Variants in ITPKB observed in about 807,000 individuals in gnomAD.
The protein encoded by ITPKB is inositol-trisphosphate 3-kinase B, also known as IP3 3-kinase B.
A neutral mutation model predicts 69.4 loss-of-function variants in ITPKB; 13 were observed. The observed-to-expected ratio is 0.19, with a 90% CI of 0.12 to 0.30. The LOEUF is 0.30. Ranked by LOEUF, ITPKB falls within the 10% of genes least tolerant of loss-of-function variation. ITPKB has a pLI of 1.00. For synonymous variants in ITPKB, 584 were observed against 513.7 expected (o/e 1.14, Z -1.85); for missense variants, 1,240 against 1,250.5 (o/e 0.99, Z 0.13).
intron 2 of ITPKB, among the ~76,000 whole-genome samples, chr1:226,733,856 A>G (rs1303231398): frequency 1.3e-5 from 2 of 152,264 alleles, no homozygotes; most frequent in Admixed American, 6.5e-5. Context: ...TCTTCTAGAC[A>G]AGAGCCGTTT....
At chr1:226,718,540 G>T (rs1314113633) in intron 2 of ITPKB, among the ~76,000 whole-genome samples, 1 of 152,092 alleles carries the variant, frequency 6.6e-6, no homozygotes, top group Non-Finnish European at 1.5e-5. Flanking sequence ...AGTCAGGGCT[G>T]CAGTGAGCCA....
Position 226,634,677 on chromosome 1 carries a change from G to A in ITPKB, c.2835C>T (p.Leu945=), listed in dbSNP as rs186433398. The A allele has an allele frequency of 4.6e-5, 38 of 819,090 alleles. No individual in the cohort carries two copies. Among genetic ancestry groups the A allele is most frequent in the East Asian group, 1.7e-4 (7 of 41,358 alleles). The allele number at this position is 819,090 out of a possible 1,614,324, so 50.7% of individuals were successfully genotyped here. A position where few individuals can be genotyped will look rare whatever the true frequency, so the allele number is the denominator to read the frequency against. Reference sequence around the variant, plus strand: ...CAGGGAGGGCGTGGGCAGCTCAGGCGAGTGGGGCATCCTGGGACATCTCGG... The same window carrying A: ...CAGGGAGGGCGTGGGCAGCTCAGGCAAGTGGGGCATCCTGGGACATCTCGG... The part of the protein sequence containing the change: ...ILTEMSQDAP[L]A The change falls in exon 8 of 8, where the codon CTC becomes CTT. Residue 945 remains leucine, a synonymous_variant. Transcript: ENST00000429204. The surrounding 1 kb of genome is among the most constrained non-coding windows in gnomAD (Gnocchi z 6.3).
intron 2 of ITPKB, among the ~76,000 whole-genome samples, chr1:226,654,892 G>A (rs752108455): frequency 3.9e-5 from 6 of 152,138 alleles, no homozygotes; most frequent in African/African-American, 1.2e-4. Flanking sequence ...CTGGGGACAG[G>A]GGAAGAGGAG....
chr1:226,716,652 CTAGGTTT>C (rs1657104117), intron 2 of ITPKB, among the ~76,000 whole-genome samples: 1 of 152,176 alleles, frequency 6.6e-6, no homozygotes, highest in Non-Finnish European at 1.5e-5. Context: ...AGCATCAAAC[CTAGGTTT>C]TCAAAACGTA....
At chr1:226,734,145 G>A (rs904533607) in intron 2 of ITPKB, among the ~76,000 whole-genome samples, 7 of 152,212 alleles carry the variant, frequency 4.6e-5, no homozygotes, top group African/African-American at 1.2e-4. Context: ...CAGGTGGACC[G>A]CTTCCCCCTC....
intron 2 of ITPKB, among the ~76,000 whole-genome samples, chr1:226,715,526 A>G (rs1657074107): frequency 1.3e-5 from 2 of 152,272 alleles, no homozygotes; most frequent in South Asian, 2.1e-4. Flanking sequence ...ATTAAATTTT[A>G]TAACAATGAT....
chr1:226,653,286 G>A (rs987959777), intron 2 of ITPKB, among the ~76,000 whole-genome samples: 1 of 152,182 alleles, frequency 6.6e-6, no homozygotes, highest in Admixed American at 6.5e-5. Context: ...GCCTATCAAC[G>A]AGTGAGGGCC....
chr1:226,719,767 A>AGT (rs1045017545), intron 2 of ITPKB, among the ~76,000 whole-genome samples: 3 of 152,166 alleles, frequency 2.0e-5, no homozygotes, highest in African/African-American at 7.2e-5. Context: ...CGCAGCACAG[A>AGT]GGCCCACGAT....
intron 4 of ITPKB, among the ~76,000 whole-genome samples, chr1:226,645,244 C>T (rs560563587): frequency 6.6e-6 from 1 of 152,300 alleles, no homozygotes; most frequent in South Asian, 2.1e-4. Context: ...GTGCACCCTG[C>T]TTCTGGGGAG....
chr1:226,637,881 T>G lies in ITPKB; in HGVS notation c.2554-131A>C. 1.5e-6 allele frequency: 1 copy of G among 688,280 alleles called. No homozygotes were observed. The highest frequency in any genetic ancestry group is 2.7e-5 in the East Asian group (1 of 36,712). The allele number at this position is 688,280 out of a possible 1,614,324, so 42.6% of individuals were successfully genotyped here. A position where few individuals can be genotyped will look rare whatever the true frequency, so the allele number is the denominator to read the frequency against. ...TAAACGCCGGACATCTAGAGGCAGC[T>G]TCCTGCGAGCAGGGCTGCTGTGGCG... is the stretch of plus-strand genomic sequence containing the variant. On this transcript the variant is annotated intron_variant, in intron 6 of 7. Transcript: ENST00000429204. This position sits in a 1 kb window ranked among gnomAD's most constrained non-coding sequence, Gnocchi z 4.3.
intron 2 of ITPKB, among the ~76,000 whole-genome samples, chr1:226,672,085 G>T (rs1218108582): frequency 6.6e-6 from 1 of 152,198 alleles, no homozygotes; most frequent in Admixed American, 6.5e-5. Flanking sequence ...TTTTGAAGCT[G>T]CTGTAATTGT....
chr1:226,664,047 A>G (rs1669451093), intron 2 of ITPKB, among the ~76,000 whole-genome samples: 2 of 152,216 alleles, frequency 1.3e-5, no homozygotes, highest in South Asian at 2.1e-4. Flanking sequence ...TTTTCTATCT[A>G]AGAGATCTTA....
chr1:226,704,050 G>A (rs1219050357), intron 2 of ITPKB, among the ~76,000 whole-genome samples: 1 of 152,132 alleles, frequency 6.6e-6, no homozygotes, highest in African/African-American at 2.4e-5. Context: ...AAACCCATCC[G>A]CCCAAGGCTT....
At position 226,736,784 on chromosome 1, in the gene ITPKB, T is replaced by C; in HGVS notation, c.675A>G (p.Leu225=). The C allele has an allele frequency of 1.9e-6, 3 of 1,613,064 alleles. No individual in the cohort carries two copies. The highest frequency in any genetic ancestry group is 2.2e-5 in the East Asian group (1 of 44,856). The part of the protein sequence containing the change: ...TDSGRKGGPS[L]CSSQVKKGMP... The stretch of plus-strand genomic sequence containing the variant: ...TTCCTTTCTTCACCTGCGAGGAGCA[T>C]AGGCTGGGCCCTCCTTTCCTCCCGG... The change falls in exon 2 of 8, where the codon CTA becomes CTG. Residue 225 remains leucine, a synonymous_variant. Transcript: ENST00000429204.
At position 226,648,769 on chromosome 1, in the gene ITPKB, G is replaced by T. The variant is rs1418063339; in HGVS notation, c.1935C>A (p.Ser645Arg). 1.1e-5 allele frequency: 18 copies of T among 1,595,744 alleles called. No individual in the cohort carries two copies. The highest frequency in any genetic ancestry group is 1.2e-5 in the Non-Finnish European group (14 of 1,163,382). Residue 645 changes from serine (S) to arginine (R), a missense_variant and splice_region_variant, in exon 3 of 8, where the codon AGC (serine) becomes AGA (arginine). This residue lies in a region of ITPKB where 248 missense variants were observed against 396.7 expected (regional missense o/e 0.63). Coordinates refer to ENST00000429204, the MANE Select transcript of ITPKB (RefSeq NM_002221.4). Reference sequence around the variant, plus strand: ...TGTTTTTTATCTTCCTCCATGATTTGCTCTAGAAACAAACAAACAAAAAGC... The same window carrying T: ...TGTTTTTTATCTTCCTCCATGATTTTCTCTAGAAACAAACAAACAAAAAGC... ...HTLDQQKPRV[S>R]KSWRKIKNMV... is the part of the protein sequence containing the mutation.
chr1:226,646,185 G>T (rs184892079), intron 4 of ITPKB, among the ~76,000 whole-genome samples: 47 of 152,346 alleles, frequency 3.1e-4, no homozygotes, highest in South Asian at 6.2e-4. Flanking sequence ...GGAAGCATGG[G>T]GGGGCTTGGC....
At position 226,736,566 on chromosome 1, in the gene ITPKB, G is replaced by A; in HGVS notation, c.893C>T (p.Ala298Val). The stretch of plus-strand genomic sequence containing the variant: ...CACTTCCGTGGCCATCGTTAAGCTA[G>A]CTCCGAACAGCCCCAATGAGGGAGC... ...CLAPSLGLFG[A>V]SLTMATEVAA... The change falls in exon 2 of 8, where the codon GCT (alanine) becomes GTT (valine). Residue 298 changes from alanine (A) to valine (V), a missense_variant. Physicochemically the swap from Ala to Val is moderately conservative, Grantham distance 64 (BLOSUM62 0). Around this residue, in one of 2 missense-constraint regions of ITPKB, gnomAD observed 992 missense variants for 853.8 expected, o/e 1.16. Coordinates refer to ENST00000429204, the MANE Select transcript of ITPKB (RefSeq NM_002221.4). The A allele has an allele frequency of 1.2e-6, 2 of 1,613,984 alleles. No homozygotes were observed. The highest frequency in any genetic ancestry group is 1.7e-6 in the Non-Finnish European group (2 of 1,180,030).
intron 2 of ITPKB, among the ~76,000 whole-genome samples, chr1:226,703,972 C>A (rs1226439569): frequency 6.6e-6 from 1 of 152,016 alleles, no homozygotes; most frequent in Non-Finnish European, 1.5e-5. Flanking sequence ...AAAAAAAAAT[C>A]TTCATTTCTT....
chr1:226,636,752 C>CTGTGTGTGTGTGTG lies in ITPKB; in HGVS notation c.2625+913_2625+926dup, dbSNP rs3831353. Reference sequence around the variant, plus strand: ...ATTAGCCAGCCCCAGGACTGCAGCTCTGTGTGTGTGTGTGTGTGTGTGTGT... The same window carrying CTGTGTGTGTGTGTG: ...ATTAGCCAGCCCCAGGACTGCAGCTCTGTGTGTGTGTGTGTGTGTGTGTGTGTGTGTGTGTGTGT... On this transcript the variant is annotated intron_variant, in intron 7 of 7. Transcript: ENST00000429204. 1.5e-3 allele frequency among the ~76,000 whole-genome samples: 214 copies of CTGTGTGTGTGTGTG among 140,060 alleles called. 1 individual carries two copies. The highest frequency in any genetic ancestry group is 2.5e-3 in the Non-Finnish European group (161 of 64,898). 91.9% of individuals were successfully genotyped at this position (140,060 alleles called of 152,430 possible).
Sources: gnomAD v4.1 joint callset for allele counts (sites outside exome capture counted in the v4.1 genomes callset) on GRCh38, gnomAD v4.1.1 for gene constraint, gnomAD v4.1.1 regional missense constraint, Gnocchi (gnomAD v3.1) non-coding constraint, MANE v1.5 for transcripts, NCBI Gene and HGNC (gene_info 2026-07-23, HGNC 2026-07-21) for gene names.